SYN3: variants seen among roughly 807,000 people sequenced by gnomAD.
SYN3 encodes the protein synapsin-3.
A neutral mutation model predicts 65.8 loss-of-function variants in SYN3; 35 were observed. The observed-to-expected ratio is 0.53, with a 90% CI of 0.41 to 0.70. The LOEUF is 0.70. Among genes scored for constraint, SYN3 ranks in the 30% least tolerant of loss-of-function variants. SYN3 has a pLI of 0.00. For synonymous variants in SYN3, 270 were observed against 292.9 expected (o/e 0.92, Z 0.80); for missense variants, 680 against 749.0 (o/e 0.91, Z 1.08).
chr22:32,745,400 T>C (rs2044900755), intron 6 of SYN3, among the ~76,000 whole-genome samples: 1 of 152,048 alleles, frequency 6.6e-6, no homozygotes, highest in Non-Finnish European at 1.5e-5. Context: ...TGTTCGGGGG[T>C]GGAGGGGGTG....
At chr22:32,995,404 G>T (rs906641092) in intron 2 of SYN3, among the ~76,000 whole-genome samples, 5 of 152,142 alleles carry the variant, frequency 3.3e-5, no homozygotes, top group Non-Finnish European at 7.3e-5. Context: ...ATATGGCATG[G>T]GATATACTTA....
At chr22:33,010,069 C>T (rs2053312945) in intron 1 of SYN3, among the ~76,000 whole-genome samples, 1 of 151,950 alleles carries the variant, frequency 6.6e-6, no homozygotes, top group Non-Finnish European at 1.5e-5. Flanking sequence ...CCCGTCTCTA[C>T]TAAAAATACA....
At chr22:32,554,993 C>T (rs2058472995) in intron 7 of SYN3, among the ~76,000 whole-genome samples, 1 of 152,200 alleles carries the variant, frequency 6.6e-6, no homozygotes, top group South Asian at 2.1e-4. Flanking sequence ...GAGCACCTGG[C>T]TCATCACAAA....
chr22:32,679,791 A>G (rs905702393), intron 6 of SYN3, among the ~76,000 whole-genome samples: 1 of 103,344 alleles, frequency 9.7e-6, no homozygotes, highest in African/African-American at 3.7e-5. Flanking sequence ...AGAAATATCT[A>G]TTCAAGGTTT....
chr22:32,818,943 C>T (rs1440445321), intron 6 of SYN3, among the ~76,000 whole-genome samples: 1 of 152,182 alleles, frequency 6.6e-6, no homozygotes, highest in Non-Finnish European at 1.5e-5. Context: ...GCAGCTACTC[C>T]TCGCCCCCTC....
chr22:32,667,153 CCCTT>C (rs1290027053), intron 6 of SYN3, among the ~76,000 whole-genome samples: 13 of 151,736 alleles, frequency 8.6e-5, no homozygotes, highest in South Asian at 2.1e-4. Context: ...CTTCCTTCCT[CCCTT>C]CCTTCCTTCC....
At chr22:32,710,645 A>AGAAAAAAAAAAAAAAAAG (rs1555931896) in intron 6 of SYN3, among the ~76,000 whole-genome samples, 1 of 126,992 alleles carries the variant, frequency 7.9e-6, no homozygotes, top group African/African-American at 3.5e-5. Context: ...AAAAAAAAAA[A>AGAAAAAAAAAAAAAAAAG]AAAGAAAGAA....
chr22:32,631,371 T>C (rs1028886101), intron 6 of SYN3, among the ~76,000 whole-genome samples: 1 of 152,050 alleles, frequency 6.6e-6, no homozygotes, highest in African/African-American at 2.4e-5. Flanking sequence ...GATGTTGGGT[T>C]TTTGTGCGTA....
intron 3 of SYN3, among the ~76,000 whole-genome samples, chr22:32,972,795 C>T (rs2052059108): frequency 6.6e-6 from 1 of 151,916 alleles, no homozygotes; most frequent in Non-Finnish European, 1.5e-5. Context: ...GAGTTCATGA[C>T]CAGCCTAGGC....
intron 4 of SYN3, among the ~76,000 whole-genome samples, chr22:32,890,656 A>G (rs1007867090): frequency 1.3e-5 from 2 of 152,086 alleles, no homozygotes; most frequent in Non-Finnish European, 2.9e-5. Flanking sequence ...CTGGGATTAC[A>G]GGTGTGAGCC....
At chr22:32,689,987 C>T (rs1021311485) in intron 6 of SYN3, among the ~76,000 whole-genome samples, 16 of 152,054 alleles carry the variant, frequency 1.1e-4, no homozygotes, top group African/African-American at 3.9e-4. Context: ...ACCAGCCTGG[C>T]CAACATGGTC....
At chr22:32,832,037 TTGAATGTGCAGC>T (rs1203424079) in intron 6 of SYN3, among the ~76,000 whole-genome samples, 1 of 152,044 alleles carries the variant, frequency 6.6e-6, no homozygotes, top group Admixed American at 6.6e-5. Flanking sequence ...CCCTCTCAGT[TTGAATGTGCAGC>T]TGATGGACCA....
At chr22:32,956,111 C>A (rs920167247) in intron 3 of SYN3, among the ~76,000 whole-genome samples, 2 of 143,898 alleles carry the variant, frequency 1.4e-5, no homozygotes, top group Non-Finnish European at 3.0e-5. Flanking sequence ...TACCGCCCCC[C>A]CCAAAAAATG....
intron 1 of SYN3, among the ~76,000 whole-genome samples, chr22:33,022,975 C>A (rs1043444736): frequency 1.7e-4 from 26 of 152,164 alleles, no homozygotes; most frequent in African/African-American, 6.3e-4. Flanking sequence ...CTAGCCAGGA[C>A]TGGGGCCCAA....
chr22:32,989,767 G>A (rs1055600005), intron 2 of SYN3, among the ~76,000 whole-genome samples: 15 of 147,556 alleles, frequency 1.0e-4, no homozygotes, highest in Admixed American at 2.7e-4. Flanking sequence ...CCCAGGAGGC[G>A]GAGGTTGCAG....
At chr22:32,938,213 T>C (rs900185424) in intron 3 of SYN3, among the ~76,000 whole-genome samples, 3 of 152,018 alleles carry the variant, frequency 2.0e-5, no homozygotes, top group Non-Finnish European at 2.9e-5. Flanking sequence ...TAGTAGTAAA[T>C]CTTCCTTAAA....
chr22:32,610,896 G>T (rs914702936), intron 6 of SYN3, among the ~76,000 whole-genome samples: 1 of 152,114 alleles, frequency 6.6e-6, no homozygotes, highest in Non-Finnish European at 1.5e-5. Flanking sequence ...TGTTTTGAAG[G>T]TTCATCCATG....
At chr22:32,694,607 A>C (rs2060711191) in intron 6 of SYN3, among the ~76,000 whole-genome samples, 1 of 152,198 alleles carries the variant, frequency 6.6e-6, no homozygotes. Context: ...GTTGAAAAAT[A>C]TGGTATTCTC....
chr22:32,687,374 G>C (rs1458343233), intron 6 of SYN3, among the ~76,000 whole-genome samples: 2 of 151,410 alleles, frequency 1.3e-5, no homozygotes, highest in Non-Finnish European at 2.9e-5. Context: ...ATGTTCGCCA[G>C]GCTAGTCTTG....
Sources: gnomAD v4.1 joint callset for allele counts (sites outside exome capture counted in the v4.1 genomes callset) on GRCh38, gnomAD v4.1.1 for gene constraint, MANE v1.5 for transcripts, NCBI Gene and HGNC (gene_info 2026-07-23, HGNC 2026-07-21) for gene names.